The following SLC71A2 variants were observed in gnomAD, a reference collection of about 807,000 sequenced individuals.
SLC71A2 encodes solute carrier family 71 member 2.
At chr9:94,397,328 G>A in the SLC71A2 span, among the ~76,000 whole-genome samples, 18 of 152,148 alleles carry the variant, frequency 1.2e-4, no homozygotes, top group African/African-American at 3.6e-4. Flanking sequence ...GCTAAAAGCA[G>A]CCAGGCATGG....
At chr9:94,424,717 T>C in the SLC71A2 span, among the ~76,000 whole-genome samples, 2,615 of 140,654 alleles carry the variant, frequency 0.019, 68 homozygotes, top group African/African-American at 0.065. Flanking sequence ...AATGGACATA[T>C]TGTTTTCTGC....
At chr9:94,406,064 G>T in the SLC71A2 span, among the ~76,000 whole-genome samples, 4 of 49,460 alleles carry the variant, frequency 8.1e-5, no homozygotes, top group African/African-American at 8.2e-5. Context: ...ATTGCAACTT[G>T]AATTTTTTTT....
the SLC71A2 span, among the ~76,000 whole-genome samples, chr9:94,396,202 C>T: frequency 6.8e-6 from 1 of 147,222 alleles, no homozygotes; most frequent in Non-Finnish European, 1.5e-5. Flanking sequence ...GTGAACTCTG[C>T]GTTGGGTTCT....
At chr9:94,378,593 ACT>A in the SLC71A2 span, among the ~76,000 whole-genome samples, 14 of 151,968 alleles carry the variant, frequency 9.2e-5, no homozygotes, top group Non-Finnish European at 1.5e-4. Context: ...ACAGAGTGAG[ACT>A]CTGTCTCAAA....
the SLC71A2 span, among the ~76,000 whole-genome samples, chr9:94,426,244 A>G: frequency 6.6e-6 from 1 of 152,002 alleles, no homozygotes; most frequent in Non-Finnish European, 1.5e-5. Context: ...GAAGTCCCAC[A>G]GTTTTCAGAG....
At chr9:94,460,212 A>C in the SLC71A2 span, 1 of 152,574 alleles carries the variant, frequency 6.6e-6, no homozygotes, top group African/African-American at 2.4e-5. Context: ...GCTGCTTCTA[A>C]GAAAGTTATT....
chr9:94,458,557 T>C, the SLC71A2 span: 1 of 1,203,230 alleles, frequency 8.3e-7, no homozygotes, highest in African/African-American at 1.5e-5. Flanking sequence ...TTCTTTCTTG[T>C]ATGTTACTAT....
chr9:94,410,880 C>T, the SLC71A2 span, among the ~76,000 whole-genome samples: 1 of 152,182 alleles, frequency 6.6e-6, no homozygotes, highest in Non-Finnish European at 1.5e-5. Context: ...GTTCTCCTGC[C>T]TCAGCCTCCT....
chr9:94,379,878 G>A, the SLC71A2 span, among the ~76,000 whole-genome samples: 3 of 152,126 alleles, frequency 2.0e-5, no homozygotes, highest in Non-Finnish European at 2.9e-5. Flanking sequence ...CCTCCTCTAC[G>A]TAACAGGAAT....
the SLC71A2 span, among the ~76,000 whole-genome samples, chr9:94,439,166 C>A: frequency 6.6e-5 from 10 of 151,898 alleles, no homozygotes; most frequent in African/African-American, 2.4e-4. Flanking sequence ...GGACTACAGA[C>A]GCCCGGCTAA....
the SLC71A2 span, among the ~76,000 whole-genome samples, chr9:94,376,626 C>T: frequency 1.5e-5 from 2 of 130,812 alleles, no homozygotes; most frequent in Non-Finnish European, 3.2e-5. Flanking sequence ...AACGTAACTC[C>T]TGATTAATAA....
chr9:94,414,214 A>G, the SLC71A2 span, among the ~76,000 whole-genome samples: 1 of 152,202 alleles, frequency 6.6e-6, no homozygotes, highest in Non-Finnish European at 1.5e-5. Context: ...GAGTGATGGA[A>G]TAAGATTTGT....
the SLC71A2 span, among the ~76,000 whole-genome samples, chr9:94,453,244 G>A: frequency 6.6e-6 from 1 of 150,848 alleles, no homozygotes; most frequent in African/African-American, 2.4e-5. Flanking sequence ...CTGCCTCTCG[G>A]GTTCAAGTGA....
chr9:94,404,104 G>A, the SLC71A2 span, among the ~76,000 whole-genome samples: 8 of 151,964 alleles, frequency 5.3e-5, no homozygotes, highest in African/African-American at 1.9e-4. Flanking sequence ...ACCTTGTTTT[G>A]GACTTCCCTG....
the SLC71A2 span, among the ~76,000 whole-genome samples, chr9:94,445,420 G>C: frequency 1.3e-5 from 2 of 152,162 alleles, no homozygotes; most frequent in Non-Finnish European, 2.9e-5. Flanking sequence ...AATTCTTGGT[G>C]AGAGTTTGGG....
chr9:94,459,674 G>A, the SLC71A2 span: 3 of 386,470 alleles, frequency 7.8e-6, no homozygotes, highest in South Asian at 7.9e-5. Flanking sequence ...AACTCCCAAG[G>A]TGAAACTCAA....
chr9:94,427,302 G>A, the SLC71A2 span, among the ~76,000 whole-genome samples: 1 of 152,018 alleles, frequency 6.6e-6, no homozygotes, highest in East Asian at 1.9e-4. Flanking sequence ...GGGAGGGTAG[G>A]TAGAAAACAG....
the SLC71A2 span, among the ~76,000 whole-genome samples, chr9:94,443,153 A>G: frequency 1.3e-5 from 2 of 152,130 alleles, no homozygotes; most frequent in Non-Finnish European, 2.9e-5. Context: ...AGCGCCTGTG[A>G]CTTAATTACC....
At chr9:94,383,971 G>A in the SLC71A2 span, among the ~76,000 whole-genome samples, 2 of 151,968 alleles carry the variant, frequency 1.3e-5, no homozygotes, top group Non-Finnish European at 2.9e-5. Context: ...ATAGAAATAC[G>A]GTTGATTTTT....
Sources: gnomAD v4.1 joint callset for allele counts (sites outside exome capture counted in the v4.1 genomes callset) on GRCh38, gnomAD v4.1.1 for gene constraint, MANE v1.5 for transcripts, NCBI Gene and HGNC (gene_info 2026-07-23, HGNC 2026-07-21) for gene names.